UNC13D: variants seen among roughly 807,000 people sequenced by gnomAD.
The protein encoded by UNC13D is unc-13 homolog D.
Under a neutral mutation model 151.7 loss-of-function variants are expected in UNC13D, and 115 were observed. That is an observed-to-expected ratio of 0.76 (90% confidence interval 0.65 to 0.88). The LOEUF (loss-of-function observed/expected upper bound fraction) is 0.88. Ranked by LOEUF, UNC13D falls within the 40% of genes least tolerant of loss-of-function variation. UNC13D has a pLI of 0.00. For synonymous variants in UNC13D, 588 were observed against 612.2 expected (o/e 0.96, Z 0.58); for missense variants, 1,369 against 1,438.7 (o/e 0.95, Z 0.78).
rs901123891 is a variant in UNC13D, at chr17:75,840,753, A to G, written c.683+9T>C. The stretch of plus-strand genomic sequence containing the variant: ...CCAACCCCTTCCCTGTGAGCCCTGC[A>G]ACACGAACCTGCGAAGCCCATGCAG... On this transcript the variant is annotated intron_variant, in intron 8 of 31. Coordinates refer to ENST00000207549, the MANE Select transcript of UNC13D (RefSeq NM_199242.3). The surrounding 1 kb of genome is among the most constrained non-coding windows in gnomAD (Gnocchi z 4.6). The G allele has an allele frequency of 7.4e-6, 12 of 1,613,962 alleles. No homozygotes were observed. The East Asian group carries it at 2.7e-4, about 36-fold the overall frequency.
intron 12 of UNC13D, among the ~76,000 whole-genome samples, chr17:75,837,160 G>A (rs1360381340): frequency 2.0e-5 from 3 of 151,742 alleles, no homozygotes; most frequent in Non-Finnish European, 4.4e-5. Context: ...GCGCCTCCTG[G>A]GTTCAAGCGA....
Position 75,830,323 on chromosome 17 carries a change from C to T in UNC13D, c.2830+39G>A, listed in dbSNP as rs373259998. The T allele has an allele frequency of 1.6e-4, 252 of 1,585,498 alleles. 1 individual carries two copies. Among genetic ancestry groups the T allele is most frequent in the Non-Finnish European group, 1.9e-4 (216 of 1,167,462 alleles). ...GGTCGCTGAGACAGGAGGGCCAGGA[C>T]GGGACCATGGAGAGTGGCCAAAGGC... is the stretch of plus-strand genomic sequence containing the variant. On this transcript the variant is annotated intron_variant, in intron 29 of 31. Coordinates refer to ENST00000207549, the MANE Select transcript of UNC13D (RefSeq NM_199242.3).
chr17:75,842,822 G>A, intron 5 of UNC13D, 35 bp downstream of exon 5: 3 of 1,612,512 alleles, frequency 1.9e-6, no homozygotes, highest in Non-Finnish European at 2.5e-6. Context: ...AAGGAGCCAG[G>A]AAGAAGCCCC....
Position 75,840,907 on chromosome 17 carries a change from AC to A in UNC13D, c.614+49del. On this transcript the variant is annotated intron_variant, in intron 7 of 31. Coordinates refer to ENST00000207549, the MANE Select transcript of UNC13D (RefSeq NM_199242.3). This position sits in a 1 kb window ranked among gnomAD's most constrained non-coding sequence, Gnocchi z 4.6. ...TCCAGGAGGAGGTTCCGCCTCTCTC[AC>A]CCCAGATCCCTTCCCTTCCCATCCC... The A allele has an allele frequency of 6.2e-7, 1 of 1,614,012 alleles. No individual in the cohort carries two copies. The highest frequency in any genetic ancestry group is 8.5e-7 in the Non-Finnish European group (1 of 1,179,992).
chr17:75,836,406 A>G lies in UNC13D; in HGVS notation c.1322T>C (p.Met441Thr). 1 of 1,613,428 alleles carries G rather than the reference A, an allele frequency of 6.2e-7. No homozygotes were observed. Among genetic ancestry groups the G allele is most frequent in the East Asian group, 2.2e-5 (1 of 44,902 alleles). Reference sequence around the variant, plus strand: ...GGGGCACAGTTCTCCAAAGGCCTTCATCTTGCACATCTGTACCAGGACCCT... The same window carrying G: ...GGGGCACAGTTCTCCAAAGGCCTTCGTCTTGCACATCTGTACCAGGACCCT... The part of the protein sequence containing the change: ...LLRVLVQMCK[M>T]KAFGELCPNT... The change falls in exon 15 of 32, where the codon ATG becomes ACG. Residue 441 changes from methionine (M) to threonine (T), a missense_variant. Around this residue, in one of 3 missense-constraint regions of UNC13D, gnomAD observed 550 missense variants for 609.0 expected, o/e 0.90. Transcript: ENST00000207549.
intron 29 of UNC13D, 32 bp from the exon 30 acceptor site, chr17:75,830,183 G>T: frequency 6.3e-7 from 1 of 1,578,778 alleles, no homozygotes; most frequent in Non-Finnish European, 8.6e-7. Flanking sequence ...TGCGTCAGCT[G>T]AGGGTCTCCC....
chr17:75,827,336 T>A lies in UNC13D; in HGVS notation c.*629A>T. ...CGCAGCAGACACAGCAGCCAAACTGTCCTTTCTGCTTCCGTCTGTCTGTGC... is the reference window on the plus strand; with the variant it reads ...CGCAGCAGACACAGCAGCCAAACTGACCTTTCTGCTTCCGTCTGTCTGTGC... On this transcript the variant is annotated 3_prime_UTR_variant, in exon 32 of 32. Transcript: ENST00000207549. 1 of 1,013,454 alleles carries A rather than the reference T, an allele frequency of 9.9e-7. No homozygotes were observed. The highest frequency in any genetic ancestry group is 2.8e-5 in the East Asian group (1 of 35,282). 62.8% of individuals were successfully genotyped at this position (1,013,454 alleles called of 1,614,324 possible).
Position 75,840,215 on chromosome 17 carries a change from C to T in UNC13D, c.858+10G>A, listed in dbSNP as rs775728355. The T allele has an allele frequency of 2.5e-6, 4 of 1,613,802 alleles. No individual in the cohort carries two copies. The highest frequency in any genetic ancestry group is 2.5e-6 in the Non-Finnish European group (3 of 1,179,940). On this transcript the variant is annotated intron_variant, in intron 10 of 31. Coordinates refer to ENST00000207549, the MANE Select transcript of UNC13D (RefSeq NM_199242.3). This position sits in a 1 kb window ranked among gnomAD's most constrained non-coding sequence, Gnocchi z 4.6. ...GCTGGGCATGGCCACTGGCCCAGTACCCGACCTACCCGCTTATGGATGAGT... is the reference window on the plus strand; with the variant it reads ...GCTGGGCATGGCCACTGGCCCAGTATCCGACCTACCCGCTTATGGATGAGT...
At chr17:75,839,727 T>G in intron 12 of UNC13D, 112 bp downstream of exon 12, 2 of 1,185,744 alleles carry the variant, frequency 1.7e-6, no homozygotes, top group South Asian at 1.2e-5. Flanking sequence ...ACACACATTT[T>G]GGGCCAAAGG....
At chr17:75,835,140 C>G in intron 20 of UNC13D, 77 bp from the exon 21 acceptor site, 1 of 1,584,418 alleles carries the variant, frequency 6.3e-7, no homozygotes, top group Non-Finnish European at 8.6e-7. Flanking sequence ...AGAGCAGCTA[C>G]CATCACCAGG....
intron 24 of UNC13D, 43 bp downstream of exon 24, chr17:75,834,032 G>T (rs764201934): frequency 6.2e-7 from 1 of 1,607,600 alleles, no homozygotes; most frequent in Non-Finnish European, 8.5e-7. Flanking sequence ...GATCTACAGA[G>T]CTGGCAGGGT....
At chr17:75,830,229 G>C (rs528665939) in intron 29 of UNC13D, 78 bp from the exon 30 acceptor site, 7 of 1,557,574 alleles carry the variant, frequency 4.5e-6, no homozygotes, top group South Asian at 3.5e-5. Context: ...TCTGCTCAGC[G>C]GCACTGACCC....
intron 23 of UNC13D, 81 bp from the exon 24 acceptor site, chr17:75,834,224 C>G: frequency 6.3e-7 from 1 of 1,592,258 alleles, no homozygotes; most frequent in South Asian, 1.1e-5. Context: ...TGAGTTTAGA[C>G]GCACGAAGGG....
Position 75,844,358 on chromosome 17 carries a change from C to A in UNC13D, c.-21G>T, listed in dbSNP as rs1157348177. On this transcript the variant is annotated 5_prime_UTR_variant, in exon 1 of 32. Coordinates refer to ENST00000207549, the MANE Select transcript of UNC13D (RefSeq NM_199242.3). ...GCCATGGTGGCCTTCTCTGCCCTTCCCTGTCCGCTGGTGCTGGGTGAAGAC... is the reference window on the plus strand; with the variant it reads ...GCCATGGTGGCCTTCTCTGCCCTTCACTGTCCGCTGGTGCTGGGTGAAGAC... The A allele has an allele frequency of 2.5e-6, 4 of 1,597,338 alleles. No individual in the cohort carries two copies. The highest frequency in any genetic ancestry group is 3.4e-6 in the Non-Finnish European group (4 of 1,173,014).
chr17:75,831,153 A>T lies in UNC13D; in HGVS notation c.2570T>A (p.Phe857Tyr), dbSNP rs121434354. The change falls in exon 27 of 32, where the codon TTC becomes TAC. Residue 857 changes from phenylalanine to tyrosine, a missense_variant. This residue lies in a region of UNC13D where 807 missense variants were observed against 795.5 expected (regional missense o/e 1.01). Coordinates refer to ENST00000207549, the MANE Select transcript of UNC13D (RefSeq NM_199242.3). Reference sequence around the variant, plus strand: ...TGGCAGGCCACAGCCCTCAGCGTGGAAGCAGATCTCCAGGTTCTGGGGGAG... The same window carrying T: ...TGGCAGGCCACAGCCCTCAGCGTGGTAGCAGATCTCCAGGTTCTGGGGGAG... ...KIALQNLEIC[F>Y]HAEGCGLPPK... 3 of 1,613,928 alleles carry T rather than the reference A, an allele frequency of 1.9e-6. No individual in the cohort carries two copies. Among genetic ancestry groups the T allele is most frequent in the Non-Finnish European group, 2.5e-6 (3 of 1,180,034 alleles).
chr17:75,837,515 A>C (rs2064917247), intron 12 of UNC13D, among the ~76,000 whole-genome samples: 1 of 150,800 alleles, frequency 6.6e-6, no homozygotes, highest in Non-Finnish European at 1.5e-5. Context: ...GGACTTTTGG[A>C]GGCCGAGGCG....
In UNC13D at chr17:75,832,717, C is replaced by T. The variant is rs1272319598; in HGVS notation, c.2447+249G>A. On this transcript the variant is annotated intron_variant, in intron 25 of 31. Transcript: ENST00000207549. The surrounding 1 kb of genome is among the most constrained non-coding windows in gnomAD (Gnocchi z 4.3). Reference sequence around the variant, plus strand: ...CCTGAGAAGTGGCAAGCTCCCCGTCCCTGCAGCGAGCCTTAGCAGAGCCTG... The same window carrying T: ...CCTGAGAAGTGGCAAGCTCCCCGTCTCTGCAGCGAGCCTTAGCAGAGCCTG... The T allele has an allele frequency of 2.2e-6, 1 of 448,262 alleles. No homozygotes were observed. Among genetic ancestry groups the T allele is most frequent in the Non-Finnish European group, 4.2e-6 (1 of 238,288 alleles). The allele number at this position is 448,262 out of a possible 1,614,324, so 27.8% of individuals were successfully genotyped here.
At position 75,832,834 on chromosome 17, in the gene UNC13D, G is replaced by A. The variant is rs1036124858; in HGVS notation, c.2447+132C>T. 5.0e-6 allele frequency: 4 copies of A among 795,416 alleles called. No homozygotes were observed. Among genetic ancestry groups the A allele is most frequent in the Non-Finnish European group, 8.4e-6 (4 of 477,432 alleles). The allele number at this position is 795,416 out of a possible 1,614,324, so 49.3% of individuals were successfully genotyped here. ...GGAAAGAGGGGCCGTGGGAGGAGAG[G>A]GGGAGGTGGCGAGCGCGCCCAGGGC... On this transcript the variant is annotated intron_variant, in intron 25 of 31. Coordinates refer to ENST00000207549, the MANE Select transcript of UNC13D (RefSeq NM_199242.3). The surrounding 1 kb of genome is among the most constrained non-coding windows in gnomAD (Gnocchi z 4.3).
intron 31 of UNC13D, 39 bp from the exon 32 acceptor site, chr17:75,828,125 G>A (rs2062136872): frequency 6.4e-7 from 1 of 1,562,620 alleles, no homozygotes; most frequent in Non-Finnish European, 8.7e-7. Flanking sequence ...TGCCAGGGGA[G>A]AGGGCAGTGC....
Sources: allele counts gnomAD v4.1 joint callset (sites outside exome capture counted in the v4.1 genomes callset), GRCh38; gene constraint gnomAD v4.1.1; regional missense constraint gnomAD v4.1.1; non-coding constraint Gnocchi (gnomAD v3.1); transcripts MANE v1.5; gene names NCBI Gene and HGNC (gene_info 2026-07-23, HGNC 2026-07-21).